Variants in TMC1 observed in about 807,000 individuals in gnomAD.
TMC1 encodes transmembrane channel like 1.
A neutral mutation model predicts 105.8 loss-of-function variants in TMC1; 84 were observed. The observed-to-expected ratio is 0.79, with a 90% confidence interval of 0.67 to 0.95. The LOEUF (loss-of-function observed/expected upper bound fraction) is 0.95, where lower values mean the gene tolerates loss of function less well. Ranked by LOEUF, TMC1 falls within the 40% of genes least tolerant of loss-of-function variation. TMC1 has a pLI of 0.00. For synonymous variants in TMC1, 315 were observed against 311.5 expected (o/e 1.01, Z -0.12); for missense variants, 817 against 914.1 (o/e 0.89, Z 1.37).
intron 8 of TMC1, among the ~76,000 whole-genome samples, chr9:72,732,883 C>T (rs535710042): frequency 9.2e-5 from 14 of 152,302 alleles, no homozygotes; most frequent in Admixed American, 3.3e-4. Context: ...ATGATGGACA[C>T]GAATAGTGCC....
chr9:72,774,030 G>A (rs1827970615), intron 13 of TMC1, among the ~76,000 whole-genome samples: 2 of 152,030 alleles, frequency 1.3e-5, no homozygotes, highest in East Asian at 3.8e-4. Context: ...AATTTTATTA[G>A]GCTATATTTT....
chr9:72,533,454 T>C (rs780900449), intron 1 of TMC1, among the ~76,000 whole-genome samples: 6 of 152,198 alleles, frequency 3.9e-5, no homozygotes, highest in Non-Finnish European at 1.5e-5. Flanking sequence ...GATTTTCCCC[T>C]GACCATACTC....
intron 21 of TMC1, among the ~76,000 whole-genome samples, chr9:72,829,158 A>G (rs1243535175): frequency 2.0e-5 from 3 of 152,136 alleles, no homozygotes; most frequent in Admixed American, 2.0e-4. Context: ...CTGAGATCTC[A>G]TCTTCTATTT....
At chr9:72,541,182 A>C (rs542242711) in intron 1 of TMC1, among the ~76,000 whole-genome samples, 1 of 152,274 alleles carries the variant, frequency 6.6e-6, no homozygotes, top group Admixed American at 6.5e-5. Context: ...CATAGCTCTT[A>C]CAGTGCTAGC....
At chr9:72,679,294 ACTTT>A (rs1826252447) in intron 5 of TMC1, among the ~76,000 whole-genome samples, 1 of 151,844 alleles carries the variant, frequency 6.6e-6, no homozygotes, top group African/African-American at 2.4e-5. Context: ...CTCCCTCAAG[ACTTT>A]CTTTTTCTCT....
chr9:72,635,085 C>T (rs370341313), intron 4 of TMC1, among the ~76,000 whole-genome samples: 13 of 151,992 alleles, frequency 8.6e-5, no homozygotes, highest in South Asian at 8.3e-4. Flanking sequence ...GGCGAAACCC[C>T]GTCTTTACTA....
At chr9:72,646,210 A>G (rs1825708702) in intron 4 of TMC1, among the ~76,000 whole-genome samples, 1 of 152,172 alleles carries the variant, frequency 6.6e-6, no homozygotes, top group Admixed American at 6.5e-5. Flanking sequence ...TTGTTATTCT[A>G]TTATGAACAG....
chr9:72,601,004 T>G (rs1305427177), intron 2 of TMC1, among the ~76,000 whole-genome samples: 1 of 152,206 alleles, frequency 6.6e-6, no homozygotes, highest in African/African-American at 2.4e-5. Context: ...AGGCAGTTTC[T>G]GTGTTCCAAA....
chr9:72,731,759 T>C (rs1444784783), intron 8 of TMC1, among the ~76,000 whole-genome samples: 1 of 152,164 alleles, frequency 6.6e-6, no homozygotes, highest in African/African-American at 2.4e-5. Flanking sequence ...AGACCCCAGG[T>C]ATGTTTTCAT....
intron 5 of TMC1, among the ~76,000 whole-genome samples, chr9:72,667,829 T>C (rs564583238): frequency 6.6e-6 from 1 of 152,336 alleles, no homozygotes; most frequent in Non-Finnish European, 1.5e-5. Flanking sequence ...TCCAGTTTGT[T>C]CAGCGTTTTT....
At chr9:72,745,472 G>A (rs1382632279) in intron 10 of TMC1, among the ~76,000 whole-genome samples, 2 of 152,044 alleles carry the variant, frequency 1.3e-5, no homozygotes, top group East Asian at 3.8e-4. Flanking sequence ...AGATTTTCTT[G>A]ATCGTTATCA....
intron 5 of TMC1, among the ~76,000 whole-genome samples, chr9:72,665,455 A>G (rs1826028950): frequency 6.6e-6 from 1 of 152,208 alleles, no homozygotes; most frequent in African/African-American, 2.4e-5. Context: ...AAGAATGTCT[A>G]TTTTTAGATT....
intron 17 of TMC1, among the ~76,000 whole-genome samples, chr9:72,801,200 C>A (rs1161743867): frequency 6.6e-6 from 1 of 152,124 alleles, no homozygotes; most frequent in African/African-American, 2.4e-5. Flanking sequence ...TTAGTTTCAT[C>A]CCCAATGGAT....
chr9:72,758,443 C>T (rs1413294030), intron 12 of TMC1, among the ~76,000 whole-genome samples: 7 of 152,014 alleles, frequency 4.6e-5, no homozygotes, highest in Non-Finnish European at 1.5e-5. Context: ...AGTAAAAATC[C>T]AAAAGAATAA....
rs116363720 is a variant in TMC1 at position 72,708,554 on chromosome 9, T to G, written c.362+7911T>G. ...ATTGTAAAAGGGGTTGAATAGTTGA[T>G]TTGATTCTCAGCTTGGTCACTGTTG... On this transcript the variant is annotated intron_variant, in intron 8 of 23. Transcript: ENST00000297784. Among the ~76,000 whole-genome samples the G allele has an allele frequency of 2.4e-3, 366 of 152,260 alleles. 2 individuals carry two copies. The highest frequency in any genetic ancestry group is 8.2e-3 in the African/African-American group (339 of 41,550).
In TMC1 at chr9:72,648,671, A is replaced by G. The variant is rs1485055886; in HGVS notation, c.16+7A>G. 1 of 1,611,516 alleles carries G rather than the reference A, an allele frequency of 6.2e-7. No individual in the cohort carries two copies. The highest frequency in any genetic ancestry group is 2.2e-5 in the East Asian group (1 of 44,874). ...AGGATGTCACCCAAAAAAGGTATTT[A>G]CAAAATCAAGACTGTCTGTAGGACA... is the stretch of plus-strand genomic sequence containing the variant. On this transcript the variant is annotated splice_region_variant and intron_variant, in intron 5 of 23. Transcript: ENST00000297784.
chr9:72,591,350 C>T (rs933541698), intron 2 of TMC1, among the ~76,000 whole-genome samples: 2 of 152,172 alleles, frequency 1.3e-5, no homozygotes, highest in African/African-American at 4.8e-5. Flanking sequence ...GTGTCACCCA[C>T]AGAGATCCTG....
intron 21 of TMC1, among the ~76,000 whole-genome samples, chr9:72,828,149 C>G (rs1828986217): frequency 6.6e-6 from 1 of 152,132 alleles, no homozygotes; most frequent in Non-Finnish European, 1.5e-5. Context: ...AGCTAATAAC[C>G]TGTAGGGATA....
At chr9:72,730,590 A>G (rs1399115145) in intron 8 of TMC1, among the ~76,000 whole-genome samples, 1 of 152,226 alleles carries the variant, frequency 6.6e-6, no homozygotes, top group Admixed American at 6.5e-5. Context: ...TTCTGATACC[A>G]GGGACCAGTG....
Sources: allele counts gnomAD v4.1 joint callset (sites outside exome capture counted in the v4.1 genomes callset), GRCh38; gene constraint gnomAD v4.1.1; transcripts MANE v1.5; gene names NCBI Gene and HGNC (gene_info 2026-07-23, HGNC 2026-07-21).